The following PCNX2 variants were observed in gnomAD, a reference collection of about 807,000 sequenced individuals.
PCNX2 encodes pecanex-like protein 2.
PCNX2 carries 168 observed loss-of-function variants against 223.8 expected under a neutral mutation model. That is an observed-to-expected ratio of 0.75 (90% CI 0.66 to 0.85). PCNX2 has a LOEUF of 0.85. Among genes scored for constraint, PCNX2 ranks in the 40% least tolerant of loss-of-function variants. The probability of loss-of-function intolerance (pLI) is 0.00; values close to 1 mark genes in which losing one functional copy is unlikely to be tolerated. For missense variants in PCNX2, 2,507 were observed against 2,675.5 expected, an observed-to-expected ratio of 0.94 and a Z score of 1.39; for synonymous variants, 1,006 against 1,052.6, an observed-to-expected ratio of 0.96 and a Z score of 0.86.
At chr1:233,053,894 G>A (rs573334556) in intron 25 of PCNX2, among the ~76,000 whole-genome samples, 8 of 152,142 alleles carry the variant, frequency 5.3e-5, no homozygotes, top group Non-Finnish European at 7.4e-5. Flanking sequence ...TGATTTGCAC[G>A]CAACAGATCC....
At chr1:232,992,233 CCTT>C (rs1394632541) in intron 32 of PCNX2, among the ~76,000 whole-genome samples, 6 of 152,212 alleles carry the variant, frequency 3.9e-5, no homozygotes, top group Non-Finnish European at 7.3e-5. Context: ...CATGTCAGCT[CCTT>C]GAGCCAGAAA....
At chr1:233,153,698 T>C (rs1303065185) in intron 19 of PCNX2, among the ~76,000 whole-genome samples, 17 of 152,184 alleles carry the variant, frequency 1.1e-4, no homozygotes. Context: ...ACATGATCAT[T>C]ATTTAGAAGA....
In PCNX2 at chr1:233,017,030, T is replaced by C. The variant is rs1408568156; in HGVS notation, c.4730A>G (p.Asn1577Ser). The change falls in exon 27 of 34, where the codon AAC becomes AGC. Residue 1577 changes from asparagine to serine, a missense_variant. By Grantham distance (46) the Asn-to-Ser change is conservative. Around this residue, in one of 3 missense-constraint regions of PCNX2, gnomAD observed 1,372 missense variants for 1,509.4 expected, o/e 0.91. Transcript: ENST00000258229. ...HYIERDLAMF[N>S]INIDDDYVPC... ...GACGTAGTCATCATCAATGTTAATG[T>C]TGAACATTGCAAGGTCACGCTCAAT... The C allele has an allele frequency of 5.0e-6, 8 of 1,613,906 alleles. No individual in the cohort carries two copies. The highest frequency in any genetic ancestry group is 2.7e-5 in the African/African-American group (2 of 74,926).
intron 21 of PCNX2, among the ~76,000 whole-genome samples, chr1:233,129,761 C>G (rs544825738): frequency 1.3e-5 from 2 of 152,332 alleles, no homozygotes; most frequent in Admixed American, 1.3e-4. Flanking sequence ...ACACACCAAT[C>G]AGCACCCTGT....
Position 233,262,056 on chromosome 1 carries a change from A to G in PCNX2, c.469T>C (p.Ser157Pro), listed in dbSNP as rs777676992. 4 of 1,613,672 alleles carry G rather than the reference A, an allele frequency of 2.5e-6. No individual in the cohort carries two copies. The highest frequency in any genetic ancestry group is 3.4e-6 in the Non-Finnish European group (4 of 1,179,748). The change falls in exon 3 of 34, where the codon TCT becomes CCT. Residue 157 changes from serine to proline, a missense_variant. Ser to Pro is a moderately conservative substitution (Grantham distance 74). Coordinates refer to ENST00000258229, the MANE Select transcript of PCNX2 (RefSeq NM_014801.4). ...RGQSITSHHS[S>P]GPLELSAQET... ...AGAAGACCACTAACCAATGGCCCAG[A>G]AGAGTGATGAGAGGTTATGCTTTGC...
intron 21 of PCNX2, among the ~76,000 whole-genome samples, chr1:233,107,101 C>T (rs1674838192): frequency 6.6e-6 from 1 of 152,098 alleles, no homozygotes; most frequent in South Asian, 2.1e-4. Context: ...CTGCTTTACT[C>T]TGACCTAACT....
At chr1:233,313,372 G>C in the PCNX2 span, among the ~76,000 whole-genome samples, 1 of 152,310 alleles carries the variant, frequency 6.6e-6, no homozygotes. Flanking sequence ...ATTGTGGCAT[G>C]GGGGGATAGG....
At chr1:233,208,454 A>G in intron 13 of PCNX2, 64 bp downstream of exon 13, 1 of 1,474,264 alleles carries the variant, frequency 6.8e-7, no homozygotes, top group Non-Finnish European at 9.2e-7. Context: ...AGAAATTCAG[A>G]AGACAAAGGG....
intron 23 of PCNX2, among the ~76,000 whole-genome samples, chr1:233,076,640 C>T (rs558809581): frequency 2.0e-4 from 30 of 152,180 alleles, no homozygotes; most frequent in Non-Finnish European, 2.1e-4. Context: ...CACTGTACTT[C>T]GCTCACTTTA....
intron 17 of PCNX2, among the ~76,000 whole-genome samples, chr1:233,168,923 T>G (rs982818908): frequency 1.7e-4 from 26 of 152,172 alleles, no homozygotes; most frequent in African/African-American, 6.3e-4. Flanking sequence ...AATTTGCATT[T>G]TTAAATTCAT....
chr1:233,263,029 G>A lies in PCNX2; in HGVS notation c.288C>T (p.Ser96=). ...DKGEVIQQKP[S]RKEEKPNKDK... Reference sequence around the variant, plus strand: ...CTTTATTTGGCTTTTCTTCCTTTCTGGAGGGCTTTTGCTGAATTACTTCTC... The same window carrying A: ...CTTTATTTGGCTTTTCTTCCTTTCTAGAGGGCTTTTGCTGAATTACTTCTC... Residue 96 remains serine (S), a synonymous_variant, in exon 2 of 34, where the codon TCC becomes TCT. Coordinates refer to ENST00000258229, the MANE Select transcript of PCNX2 (RefSeq NM_014801.4). The A allele has an allele frequency of 6.2e-7, 1 of 1,613,702 alleles. No homozygotes were observed. Among genetic ancestry groups the A allele is most frequent in the South Asian group, 1.1e-5 (1 of 91,072 alleles).
chr1:233,174,448 T>C (rs1679351595), intron 17 of PCNX2, among the ~76,000 whole-genome samples: 1 of 151,214 alleles, frequency 6.6e-6, no homozygotes, highest in Non-Finnish European at 1.5e-5. Flanking sequence ...AAGAAATATA[T>C]TAGCTTTTCA....
intron 23 of PCNX2, among the ~76,000 whole-genome samples, chr1:233,084,215 G>A (rs1315010163): frequency 6.6e-6 from 1 of 152,154 alleles, no homozygotes; most frequent in African/African-American, 2.4e-5. Context: ...CAACCACAAA[G>A]CACAAAGCCT....
At position 233,258,726 on chromosome 1, in the gene PCNX2, G is replaced by A. The variant is rs113796251; in HGVS notation, c.1136C>T (p.Thr379Met). Residue 379 changes from threonine to methionine, a missense_variant, in exon 5 of 34, where the codon ACG (threonine) becomes ATG (methionine). Around this residue, in one of 3 missense-constraint regions of PCNX2, gnomAD observed 1,031 missense variants for 1,021.7 expected, o/e 1.01. Transcript: ENST00000258229. ...SLHEPIKIVI[T>M]MSSTPNSMTD... ...CATGGAGTTTGGGGTACTGCTCATC[G>A]TGATAACAATTTTTATGGGCTCATG... The A allele has an allele frequency of 6.6e-5, 106 of 1,613,774 alleles. No individual in the cohort carries two copies. The highest frequency in any genetic ancestry group is 1.1e-4 in the African/African-American group (8 of 74,916).
rs148055027 is a variant in PCNX2, at chr1:233,028,110, T to C, written c.4352-2711A>G. On this transcript the variant is annotated intron_variant, in intron 25 of 33. Coordinates refer to ENST00000258229, the MANE Select transcript of PCNX2 (RefSeq NM_014801.4). ...GTTACTGGAGAATGAACACTTATTA[T>C]TTCAGTCTCTTGAAATTTATTGAGA... is the stretch of plus-strand genomic sequence containing the variant. Among the ~76,000 whole-genome samples, 63 of 152,372 alleles carry C rather than the reference T, an allele frequency of 4.1e-4. No individual in the cohort carries two copies. The East Asian group carries it at 0.012, about 28-fold the overall frequency.
chr1:232,997,393 T>TA (rs1443139208), intron 32 of PCNX2, among the ~76,000 whole-genome samples: 2 of 152,220 alleles, frequency 1.3e-5, no homozygotes, highest in Non-Finnish European at 2.9e-5. Context: ...GCAGGGACTG[T>TA]AACTCCTGGC....
chr1:233,140,002 T>C, intron 19 of PCNX2, 147 bp from the exon 20 acceptor site: 1 of 972,720 alleles, frequency 1.0e-6, no homozygotes, highest in Non-Finnish European at 1.5e-6. Context: ...TACCATTTTT[T>C]TCCAGGCAGC....
intron 23 of PCNX2, among the ~76,000 whole-genome samples, chr1:233,069,965 G>A (rs911637030): frequency 6.6e-6 from 1 of 151,886 alleles, no homozygotes. Flanking sequence ...CAATAACATC[G>A]AAAAATCTCT....
chr1:233,199,160 G>T, intron 14 of PCNX2, 130 bp from the exon 15 acceptor site: 1 of 802,696 alleles, frequency 1.2e-6, no homozygotes, highest in Non-Finnish European at 2.0e-6. Context: ...ATACATCTAT[G>T]GGATCCATCA....
Sources: gnomAD v4.1 joint callset for allele counts (sites outside exome capture counted in the v4.1 genomes callset) on GRCh38, gnomAD v4.1.1 for gene constraint, gnomAD v4.1.1 regional missense constraint, MANE v1.5 for transcripts, NCBI Gene and HGNC (gene_info 2026-07-23, HGNC 2026-07-21) for gene names.